Variants in BMERB1 observed in about 807,000 individuals in gnomAD.
BMERB1 encodes bMERB domain-containing protein 1.
Under a neutral mutation model 23.6 loss-of-function variants are expected in BMERB1, and 12 were observed. The ratio of observed to expected loss-of-function variants is 0.51; its 90% CI spans 0.33 to 0.82. The LOEUF (loss-of-function observed/expected upper bound fraction) is 0.82. BMERB1 is among the 40% of genes least tolerant of loss of function. The probability of loss-of-function intolerance (pLI) is 0.03; values close to 1 mark genes in which losing one functional copy is unlikely to be tolerated. For missense variants in BMERB1, 247 were observed against 255.4 expected (o/e 0.97, Z 0.22); for synonymous variants, 122 against 96.6 (o/e 1.26, Z -1.54).
At chr16:15,482,998 C>A (rs2051336392) in intron 1 of BMERB1, among the ~76,000 whole-genome samples, 1 of 152,118 alleles carries the variant, frequency 6.6e-6, no homozygotes, top group Admixed American at 6.5e-5. Flanking sequence ...ACAATTCTAC[C>A]CGCCAAAGTC....
intron 2 of BMERB1, among the ~76,000 whole-genome samples, chr16:15,530,371 G>C (rs997876473): frequency 1.3e-5 from 2 of 152,072 alleles, no homozygotes; most frequent in South Asian, 2.1e-4. Flanking sequence ...CCCATCTCAG[G>C]ACCCCTTAAT....
At chr16:15,487,900 C>T (rs765580372) in intron 1 of BMERB1, among the ~76,000 whole-genome samples, 1 of 152,130 alleles carries the variant, frequency 6.6e-6, no homozygotes, top group South Asian at 2.1e-4. Flanking sequence ...GTGAGGATGA[C>T]CAGAGATCAT....
intron 3 of BMERB1, among the ~76,000 whole-genome samples, chr16:15,570,385 C>A (rs965106261): frequency 2.0e-5 from 3 of 152,142 alleles, no homozygotes; most frequent in Admixed American, 1.3e-4. Context: ...CGTTTCCCAA[C>A]CTTCAACTAT....
At chr16:15,524,268 A>G (rs73499130) in intron 2 of BMERB1, among the ~76,000 whole-genome samples, 4,441 of 152,236 alleles carry the variant, frequency 0.029, 201 homozygotes, top group South Asian at 0.11. Context: ...CAGAAGATCT[A>G]AGAAGCAGTT....
chr16:15,462,900 A>G (rs1027822304), intron 1 of BMERB1, among the ~76,000 whole-genome samples: 13 of 152,136 alleles, frequency 8.5e-5, no homozygotes, highest in African/African-American at 2.7e-4. Flanking sequence ...AGGAAGTCCA[A>G]CGCCACCAGC....
intron 2 of BMERB1, among the ~76,000 whole-genome samples, chr16:15,532,124 T>C (rs890437062): frequency 5.3e-5 from 8 of 152,210 alleles, no homozygotes; most frequent in Non-Finnish European, 1.2e-4. Context: ...ACTGTGTCTG[T>C]CCTCAGTCCC....
chr16:15,558,139 G>A (rs964436147), intron 2 of BMERB1, among the ~76,000 whole-genome samples: 1 of 152,240 alleles, frequency 6.6e-6, no homozygotes, highest in African/African-American at 2.4e-5. Flanking sequence ...GGGTCTGGCT[G>A]TTTCCTTTCC....
chr16:15,441,044 G>T (rs1367099633), intron 1 of BMERB1, among the ~76,000 whole-genome samples: 1 of 152,160 alleles, frequency 6.6e-6, no homozygotes, highest in Non-Finnish European at 1.5e-5. Flanking sequence ...AGGCCAGGGT[G>T]GCTGGAACCC....
chr16:15,559,405 G>T (rs1169224879), intron 2 of BMERB1, among the ~76,000 whole-genome samples: 1 of 152,216 alleles, frequency 6.6e-6, no homozygotes, highest in Non-Finnish European at 1.5e-5. Flanking sequence ...GAGCCACATG[G>T]AGAGGAGACA....
chr16:15,507,195 C>T (rs1256832386), intron 1 of BMERB1, among the ~76,000 whole-genome samples: 2 of 152,184 alleles, frequency 1.3e-5, no homozygotes, highest in East Asian at 3.9e-4. Context: ...CAGTTTAACC[C>T]TCCAAGCTTG....
intron 1 of BMERB1, among the ~76,000 whole-genome samples, chr16:15,442,470 A>AAGCCC (rs1418932004): frequency 6.6e-6 from 1 of 152,206 alleles, no homozygotes; most frequent in Non-Finnish European, 1.5e-5. Flanking sequence ...TACTTTGAAC[A>AAGCCC]AGCCCAATTA....
chr16:15,466,239 G>A (rs1174171195), intron 1 of BMERB1, among the ~76,000 whole-genome samples: 1 of 152,152 alleles, frequency 6.6e-6, no homozygotes, highest in Non-Finnish European at 1.5e-5. Context: ...ATTTTCACCA[G>A]CCAACCTGAT....
chr16:15,494,208 G>A (rs1418479702), intron 1 of BMERB1, among the ~76,000 whole-genome samples: 3 of 152,104 alleles, frequency 2.0e-5, no homozygotes, highest in Non-Finnish European at 4.4e-5. Context: ...AATTTTAACC[G>A]GGCAATTGTT....
At chr16:15,447,622 G>A (rs2150922994) in intron 1 of BMERB1, among the ~76,000 whole-genome samples, 1 of 152,320 alleles carries the variant, frequency 6.6e-6, no homozygotes, top group Non-Finnish European at 1.5e-5. Flanking sequence ...AGAAGAGGAT[G>A]TGAAGTGGGA....
chr16:15,580,180 T>C (rs2030971871), intron 3 of BMERB1, among the ~76,000 whole-genome samples: 3 of 150,840 alleles, frequency 2.0e-5, no homozygotes, highest in African/African-American at 7.4e-5. Flanking sequence ...CACTGCAGCC[T>C]AGAACTCCTG....
chr16:15,520,021 TGCCACCCTGAGTGCTACGTC>T (rs2051830358), intron 2 of BMERB1, among the ~76,000 whole-genome samples: 1 of 152,102 alleles, frequency 6.6e-6, no homozygotes, highest in Non-Finnish European at 1.5e-5. Flanking sequence ...GGCACTGATA[TGCCACCCTGAGTGCTACGTC>T]CCCTGCATGC....
At chr16:15,478,734 T>C (rs1715548291) in intron 1 of BMERB1, among the ~76,000 whole-genome samples, 1 of 152,334 alleles carries the variant, frequency 6.6e-6, no homozygotes, top group Middle Eastern at 3.4e-3. Context: ...GGCACCCCAC[T>C]CTACTCATCT....
intron 1 of BMERB1, among the ~76,000 whole-genome samples, chr16:15,436,360 G>A (rs1398151857): frequency 6.7e-6 from 1 of 149,230 alleles, no homozygotes; most frequent in African/African-American, 2.5e-5. Context: ...CTGGGTTCAA[G>A]CGATTCTCCT....
At chr16:15,576,080 C>T (rs1030491342) in intron 3 of BMERB1, among the ~76,000 whole-genome samples, 13 of 147,302 alleles carry the variant, frequency 8.8e-5, no homozygotes, top group South Asian at 8.5e-4. Flanking sequence ...GCTCTGTCAC[C>T]CAGGCTGGAG....
Sources: allele counts gnomAD v4.1 joint callset (sites outside exome capture counted in the v4.1 genomes callset), GRCh38; gene constraint gnomAD v4.1.1; transcripts MANE v1.5; gene names NCBI Gene and HGNC (gene_info 2026-07-23, HGNC 2026-07-21).